The following GPHN variants were observed in gnomAD, a reference collection of about 807,000 sequenced individuals.
The protein encoded by GPHN is gephyrin.
GPHN carries 17 observed loss-of-function variants against 95.5 expected under a neutral mutation model. The observed-to-expected ratio is 0.18, with a 90% CI of 0.12 to 0.27. The LOEUF (loss-of-function observed/expected upper bound fraction) is 0.27, where lower values mean the gene tolerates loss of function less well. GPHN is among the 10% of genes least tolerant of loss of function. The pLI, the probability that GPHN is intolerant of heterozygous loss-of-function variation, is 1.00. For synonymous variants in GPHN, 320 were observed against 322.5 expected (o/e 0.99, Z 0.08); for missense variants, 660 against 978.1 (o/e 0.67, Z 4.34).
chr14:67,483,089 C>T, the GPHN span, among the ~76,000 whole-genome samples: 2 of 152,134 alleles, frequency 1.3e-5, no homozygotes, highest in African/African-American at 4.8e-5. Flanking sequence ...TGGCTCACTG[C>T]AACCTCTGTC....
At chr14:66,909,521 G>T (rs145623294) in intron 5 of GPHN, among the ~76,000 whole-genome samples, 23 of 152,018 alleles carry the variant, frequency 1.5e-4, no homozygotes, top group African/African-American at 5.3e-4. Context: ...ATGGTTAACT[G>T]ATTAACATGA....
At chr14:67,450,422 A>C in the GPHN span, among the ~76,000 whole-genome samples, 10 of 152,228 alleles carry the variant, frequency 6.6e-5, no homozygotes, top group African/African-American at 2.4e-4. Flanking sequence ...AATGAGGGAA[A>C]GTTTGGAACT....
the GPHN span, among the ~76,000 whole-genome samples, chr14:67,664,896 T>C: frequency 1.3e-5 from 2 of 152,286 alleles, no homozygotes; most frequent in Middle Eastern, 3.4e-3. Context: ...AGACTGTGTC[T>C]CACTCTGTTG....
the GPHN span, chr14:67,722,402 G>T: frequency 1.7e-6 from 1 of 592,382 alleles, no homozygotes; most frequent in Non-Finnish European, 3.0e-6. Flanking sequence ...TTCAAACCTT[G>T]ACTCCATCCC....
At chr14:67,595,134 C>T in the GPHN span, among the ~76,000 whole-genome samples, 1 of 66,512 alleles carries the variant, frequency 1.5e-5, no homozygotes, top group Non-Finnish European at 4.3e-5. Flanking sequence ...GAGACTCCGT[C>T]TAAAAAAAAT....
intron 11 of GPHN, among the ~76,000 whole-genome samples, chr14:67,068,387 A>G (rs1195597389): frequency 2.6e-5 from 4 of 152,236 alleles, no homozygotes; most frequent in Non-Finnish European, 5.9e-5. Context: ...TATTCCACTG[A>G]TAGGCATTCC....
the GPHN span, among the ~76,000 whole-genome samples, chr14:67,356,749 C>A: frequency 1.3e-5 from 2 of 152,200 alleles, no homozygotes; most frequent in African/African-American, 4.8e-5. Flanking sequence ...GAACAATTAT[C>A]ACTGGCTGAC....
chr14:67,278,480 ACT>A, the GPHN span, among the ~76,000 whole-genome samples: 1 of 151,442 alleles, frequency 6.6e-6, no homozygotes, highest in Non-Finnish European at 1.5e-5. Context: ...CATCTCAAAA[ACT>A]CTTAAAGATG....
At chr14:67,098,665 T>TA (rs1415426806) in intron 12 of GPHN, among the ~76,000 whole-genome samples, 5 of 151,634 alleles carry the variant, frequency 3.3e-5, no homozygotes, top group Non-Finnish European at 7.4e-5. Flanking sequence ...TAAAATAAAA[T>TA]ACAAAAATTA....
At chr14:66,985,622 A>G (rs968728579) in intron 9 of GPHN, 1 of 1,145,552 alleles carries the variant, frequency 8.7e-7, no homozygotes. Flanking sequence ...ATGTATAGAA[A>G]AATTTTTAAG....
chr14:66,531,416 C>T (rs925719406), intron 1 of GPHN, among the ~76,000 whole-genome samples: 6 of 152,084 alleles, frequency 3.9e-5, no homozygotes, highest in Non-Finnish European at 7.4e-5. Flanking sequence ...GCCTGGGCTA[C>T]AAGAGTTAAA....
At chr14:67,083,165 G>A (rs190283366) in intron 11 of GPHN, among the ~76,000 whole-genome samples, 283 of 152,206 alleles carry the variant, frequency 1.9e-3, no homozygotes, top group African/African-American at 6.4e-3. Context: ...ACACACCAAC[G>A]TGAGACCTCT....
At chr14:67,645,705 T>C in the GPHN span, 3 of 1,613,982 alleles carry the variant, frequency 1.9e-6, no homozygotes, top group African/African-American at 1.3e-5. Context: ...GTTGTCTGGG[T>C]TGATGCCCAT....
chr14:66,823,658 G>GA (rs933899145), intron 3 of GPHN, among the ~76,000 whole-genome samples: 4 of 152,078 alleles, frequency 2.6e-5, no homozygotes, highest in African/African-American at 9.6e-5. Flanking sequence ...AAAAAAAAGG[G>GA]AAAAAATCAT....
At chr14:67,357,078 A>G in the GPHN span, among the ~76,000 whole-genome samples, 1 of 152,228 alleles carries the variant, frequency 6.6e-6, no homozygotes, top group East Asian at 1.9e-4. Flanking sequence ...GTGCACACTT[A>G]CAGCTAATAT....
the GPHN span, among the ~76,000 whole-genome samples, chr14:67,401,535 T>C: frequency 3.2e-4 from 48 of 151,614 alleles, no homozygotes; most frequent in African/African-American, 1.1e-3. Flanking sequence ...ATAATAATTT[T>C]AAAAAGAAGA....
chr14:67,179,574 G>C lies in GPHN; in HGVS notation c.2080-4G>C, dbSNP rs760469629. 6.5e-7 allele frequency: 1 copy of C among 1,537,552 alleles called. No homozygotes were observed. Among genetic ancestry groups the C allele is most frequent in the South Asian group, 1.1e-5 (1 of 89,568 alleles). On this transcript the variant is annotated splice_region_variant and splice_polypyrimidine_tract_variant and intron_variant, in intron 21 of 22. Coordinates refer to ENST00000478722, the MANE Select transcript of GPHN (RefSeq NM_020806.5). ...TTTGTTTTCTTTTCTACTTTATTCTGTAGTTATCATGTGATGTAAAACTTG... is the reference window on the plus strand; with the variant it reads ...TTTGTTTTCTTTTCTACTTTATTCTCTAGTTATCATGTGATGTAAAACTTG...
intron 11 of GPHN, among the ~76,000 whole-genome samples, chr14:67,070,344 T>TAC (rs1223599774): frequency 1.3e-5 from 2 of 148,198 alleles, no homozygotes; most frequent in Non-Finnish European, 3.0e-5. Flanking sequence ...TATATATATA[T>TAC]ACACACATAT....
chr14:67,675,716 G>A, the GPHN span, among the ~76,000 whole-genome samples: 1 of 152,078 alleles, frequency 6.6e-6, no homozygotes, highest in Non-Finnish European at 1.5e-5. Flanking sequence ...GGTGTGGAAG[G>A]TGGGCCTGGC....
Sources: gnomAD v4.1 joint callset for allele counts (sites outside exome capture counted in the v4.1 genomes callset) on GRCh38, gnomAD v4.1.1 for gene constraint, MANE v1.5 for transcripts, NCBI Gene and HGNC (gene_info 2026-07-23, HGNC 2026-07-21) for gene names.